LCLAT1: variants seen among roughly 807,000 people sequenced by gnomAD.
LCLAT1 encodes the protein lysocardiolipin acyltransferase 1.
LCLAT1 carries 11 observed loss-of-function variants against 30.7 expected under a neutral mutation model. That is an observed-to-expected ratio of 0.36 (90% confidence interval 0.23 to 0.59). LCLAT1 has a LOEUF of 0.59. Among genes scored for constraint, LCLAT1 ranks in the 20% least tolerant of loss-of-function variants. The probability of loss-of-function intolerance (pLI) is 0.77; values close to 1 mark genes in which losing one functional copy is unlikely to be tolerated. For missense variants in LCLAT1, 402 were observed against 458.6 expected (o/e 0.88, Z 1.13); for synonymous variants, 155 against 151.3 (o/e 1.02, Z -0.18).
At chr2:30,589,348 C>G (rs375834961) in intron 5 of LCLAT1, among the ~76,000 whole-genome samples, 42 of 152,024 alleles carry the variant, frequency 2.8e-4, no homozygotes, top group African/African-American at 9.9e-4. Flanking sequence ...TGTTAGAGTA[C>G]TGTCCACCAT....
At chr2:30,589,300 G>A (rs1475129185) in intron 5 of LCLAT1, among the ~76,000 whole-genome samples, 1 of 152,168 alleles carries the variant, frequency 6.6e-6, no homozygotes, top group Non-Finnish European at 1.5e-5. Context: ...TAGGGGAGTT[G>A]TATATGACAC....
chr2:30,541,020 T>C (rs1664113160), intron 3 of LCLAT1, among the ~76,000 whole-genome samples: 1 of 152,192 alleles, frequency 6.6e-6, no homozygotes, highest in Non-Finnish European at 1.5e-5. Context: ...AATGTTAGTC[T>C]TTATCCTTTT....
chr2:30,505,451 A>G (rs905775161), intron 1 of LCLAT1, among the ~76,000 whole-genome samples: 11 of 149,824 alleles, frequency 7.3e-5, no homozygotes, highest in Middle Eastern at 3.5e-3. Flanking sequence ...GAGCATTTGT[A>G]TTTTCTTCCT....
chr2:30,543,029 A>G (rs1664222567), intron 3 of LCLAT1, among the ~76,000 whole-genome samples: 1 of 150,160 alleles, frequency 6.7e-6, no homozygotes, highest in South Asian at 2.1e-4. Flanking sequence ...GAGGGCAGAC[A>G]TCCTTGCCGT....
At chr2:30,507,647 C>CT (rs34905640) in intron 1 of LCLAT1, among the ~76,000 whole-genome samples, 33,884 of 152,026 alleles carry the variant, frequency 0.22, 3,871 homozygotes, top group East Asian at 0.35. Context: ...TGATCTTATT[C>CT]TTTTTTATGG....
chr2:30,517,613 G>C (rs1254286248), intron 1 of LCLAT1, among the ~76,000 whole-genome samples: 3 of 152,174 alleles, frequency 2.0e-5, no homozygotes, highest in Non-Finnish European at 4.4e-5. Context: ...ATAAATTAAA[G>C]GGAGGAGCAT....
intron 1 of LCLAT1, among the ~76,000 whole-genome samples, chr2:30,483,686 G>C (rs1683427026): frequency 6.6e-6 from 1 of 152,096 alleles, no homozygotes; most frequent in African/African-American, 2.4e-5. Flanking sequence ...AGCTATAAGA[G>C]ATCTGGCATT....
At chr2:30,456,280 T>C (rs1201527839) in intron 1 of LCLAT1, among the ~76,000 whole-genome samples, 2 of 152,212 alleles carry the variant, frequency 1.3e-5, no homozygotes, top group Non-Finnish European at 2.9e-5. Flanking sequence ...GTGAAAGTTC[T>C]GACTCTCTGC....
intron 1 of LCLAT1, among the ~76,000 whole-genome samples, chr2:30,507,882 A>G (rs76303467): frequency 0.011 from 1,665 of 152,286 alleles, 23 homozygotes; most frequent in African/African-American, 0.038. Flanking sequence ...GTTTAACACA[A>G]TGGTTGAACT....
intron 1 of LCLAT1, among the ~76,000 whole-genome samples, chr2:30,464,987 G>A (rs2148280285): frequency 1.3e-5 from 2 of 152,210 alleles, no homozygotes; most frequent in Admixed American, 1.3e-4. Context: ...TGGGATTACA[G>A]GCATGAGCCA....
At chr2:30,599,613 T>G (rs1441889117) in intron 5 of LCLAT1, among the ~76,000 whole-genome samples, 1 of 152,220 alleles carries the variant, frequency 6.6e-6, no homozygotes, top group African/African-American at 2.4e-5. Context: ...TAAGACCTTG[T>G]TTTATGAAAC....
chr2:30,547,286 CTTCT>C (rs1664469476), intron 3 of LCLAT1, among the ~76,000 whole-genome samples: 1 of 152,124 alleles, frequency 6.6e-6, no homozygotes, highest in Non-Finnish European at 1.5e-5. Flanking sequence ...ATGTCCTGGC[CTTCT>C]TTATTATATT....
intron 5 of LCLAT1, among the ~76,000 whole-genome samples, chr2:30,613,981 T>G (rs28887284): frequency 0.028 from 138 of 4,994 alleles, 2 homozygotes; most frequent in East Asian, 0.072. Flanking sequence ...CAAGAGGCAT[T>G]CCTTCCTCTT....
chr2:30,590,809 C>CA (rs1211121903), intron 5 of LCLAT1, among the ~76,000 whole-genome samples: 1 of 151,830 alleles, frequency 6.6e-6, no homozygotes, highest in East Asian at 1.9e-4. Context: ...ACAAATAAAA[C>CA]AAAGTTCAAA....
rs1667609276 is a variant in LCLAT1 at position 30,609,070 on chromosome 2, GGGTTT to G, written c.629-31046_629-31042del. Among the ~76,000 whole-genome samples, 6 of 151,234 alleles carry G rather than the reference GGGTTT, an allele frequency of 4.0e-5. No individual in the cohort carries two copies. In the South Asian group the frequency reaches 1.3e-3, roughly 32 times the overall value. On this transcript the variant is annotated intron_variant, in intron 5 of 5. Transcript: ENST00000379509. ...GATTTTCACATGCCTGATATTTTCT[GGGTTT>G]CCTCATCTATTCATTGCCTGTTTAT...
chr2:30,487,120 G>A (rs1321891232), intron 1 of LCLAT1, among the ~76,000 whole-genome samples: 1 of 152,156 alleles, frequency 6.6e-6, no homozygotes, highest in Non-Finnish European at 1.5e-5. Context: ...CATTTAATTT[G>A]TACATGTCTT....
intron 5 of LCLAT1, among the ~76,000 whole-genome samples, chr2:30,582,520 C>A (rs1246540939): frequency 6.6e-6 from 1 of 152,150 alleles, no homozygotes; most frequent in Non-Finnish European, 1.5e-5. Context: ...GGAGCTTATG[C>A]CAAGCACAAT....
At chr2:30,485,880 G>T (rs1005849605) in intron 1 of LCLAT1, among the ~76,000 whole-genome samples, 2 of 152,080 alleles carry the variant, frequency 1.3e-5, no homozygotes, top group Non-Finnish European at 2.9e-5. Context: ...TTTGGGCTTC[G>T]TATTTGTCAT....
intron 2 of LCLAT1, among the ~76,000 whole-genome samples, chr2:30,532,835 A>G (rs1686047765): frequency 2.0e-5 from 3 of 152,130 alleles, no homozygotes; most frequent in South Asian, 2.1e-4. Context: ...GAATATTGAT[A>G]TTCACCTTTT....
Sources: allele counts gnomAD v4.1 joint callset (sites outside exome capture counted in the v4.1 genomes callset), GRCh38; gene constraint gnomAD v4.1.1; transcripts MANE v1.5; gene names NCBI Gene and HGNC (gene_info 2026-07-23, HGNC 2026-07-21).